The following DTNBP1 variants were observed in gnomAD, a reference collection of about 807,000 sequenced individuals.
The protein encoded by DTNBP1 is dystrobrevin binding protein 1, also known as dysbindin.
Under a neutral mutation model 42.8 loss-of-function variants are expected in DTNBP1, and 35 were observed. The ratio of observed to expected loss-of-function variants is 0.82; its 90% confidence interval spans 0.63 to 1.09. The LOEUF is 1.09. Ranked by LOEUF, DTNBP1 falls within the 50% of genes least tolerant of loss-of-function variation. The probability of loss-of-function intolerance (pLI) is 0.00; values close to 1 mark genes in which losing one functional copy is unlikely to be tolerated. For synonymous variants in DTNBP1, 171 were observed against 162.2 expected, an observed-to-expected ratio of 1.05 and a Z score of -0.41; for missense variants, 457 against 424.2, an observed-to-expected ratio of 1.08 and a Z score of -0.68.
At chr6:15,635,065 A>G (rs777170886) in intron 4 of DTNBP1, among the ~76,000 whole-genome samples, 6 of 152,182 alleles carry the variant, frequency 3.9e-5, no homozygotes, top group Non-Finnish European at 7.3e-5. Flanking sequence ...TCATTCATTT[A>G]TAAGTGATCT....
intron 7 of DTNBP1, among the ~76,000 whole-genome samples, chr6:15,564,077 A>G (rs1774960220): frequency 1.3e-5 from 2 of 151,778 alleles, no homozygotes; most frequent in African/African-American, 4.8e-5. Flanking sequence ...AAAAAAAAAA[A>G]AAAAAAGAAC....
At chr6:15,530,587 C>T (rs897175727) in intron 8 of DTNBP1, among the ~76,000 whole-genome samples, 6 of 152,062 alleles carry the variant, frequency 3.9e-5, no homozygotes, top group Admixed American at 2.6e-4. Context: ...AGTACGTGCC[C>T]GTCCCTGTCA....
chr6:15,586,745 A>T (rs1453546537), intron 7 of DTNBP1, among the ~76,000 whole-genome samples: 2 of 152,054 alleles, frequency 1.3e-5, no homozygotes, highest in African/African-American at 2.4e-5. Context: ...TACCCCCAGC[A>T]CCCCCACACA....
chr6:15,597,341 G>C (rs977045114), intron 6 of DTNBP1, among the ~76,000 whole-genome samples: 8 of 152,148 alleles, frequency 5.3e-5, no homozygotes, highest in African/African-American at 1.9e-4. Flanking sequence ...CATTTTCAAG[G>C]ACAGTATAAC....
At chr6:15,655,764 C>T (rs1259925508) in intron 1 of DTNBP1, among the ~76,000 whole-genome samples, 2 of 151,734 alleles carry the variant, frequency 1.3e-5, no homozygotes, top group African/African-American at 4.8e-5. Context: ...TATAAAAGAT[C>T]AGATATACTT....
chr6:15,595,196 G>T (rs1026876990), intron 6 of DTNBP1: 1 of 451,728 alleles, frequency 2.2e-6, no homozygotes, highest in Non-Finnish European at 4.4e-6. Context: ...ATGACTGCTT[G>T]AAGTAGTGGT....
intron 7 of DTNBP1, among the ~76,000 whole-genome samples, chr6:15,588,523 C>A (rs1026702025): frequency 6.6e-6 from 1 of 152,076 alleles, no homozygotes; most frequent in African/African-American, 2.4e-5. Flanking sequence ...CATAAAAAAA[C>A]AAAAATTCCA....
intron 7 of DTNBP1, among the ~76,000 whole-genome samples, chr6:15,551,467 A>G (rs1389255400): frequency 6.6e-6 from 1 of 152,214 alleles, no homozygotes; most frequent in Non-Finnish European, 1.5e-5. Context: ...AAGGACACAC[A>G]GCCAACACCT....
At chr6:15,613,528 G>A (rs528637922) in intron 6 of DTNBP1, among the ~76,000 whole-genome samples, 6 of 151,384 alleles carry the variant, frequency 4.0e-5, no homozygotes, top group East Asian at 2.0e-4. Context: ...CACCACACCC[G>A]GCTAATTTTT....
chr6:15,599,096 A>G (rs992788437), intron 6 of DTNBP1, among the ~76,000 whole-genome samples: 3 of 152,320 alleles, frequency 2.0e-5, no homozygotes, highest in South Asian at 4.1e-4. Context: ...TAAGTTATAC[A>G]TGGATTACAT....
intron 4 of DTNBP1, among the ~76,000 whole-genome samples, 189 bp from the exon 5 acceptor site, chr6:15,627,664 A>G (rs1759430479): frequency 6.7e-6 from 1 of 148,892 alleles, no homozygotes; most frequent in African/African-American, 2.5e-5. Flanking sequence ...AGTGCAGGAA[A>G]CCTCCAATTA....
intron 3 of DTNBP1, among the ~76,000 whole-genome samples, chr6:15,642,134 T>C (rs1240069545): frequency 6.6e-6 from 1 of 152,070 alleles, no homozygotes; most frequent in African/African-American, 2.4e-5. Flanking sequence ...TCCCCTTCCC[T>C]ACACAGAGCA....
intron 4 of DTNBP1, among the ~76,000 whole-genome samples, chr6:15,629,576 CAG>C (rs1212674311): frequency 6.6e-6 from 1 of 152,058 alleles, no homozygotes; most frequent in East Asian, 1.9e-4. Context: ...GAAGGGTAAA[CAG>C]ATTCTCAGAA....
intron 1 of DTNBP1, among the ~76,000 whole-genome samples, chr6:15,659,765 G>A (rs1761495529): frequency 2.0e-5 from 3 of 152,088 alleles, no homozygotes; most frequent in Admixed American, 1.3e-4. Flanking sequence ...CGTTGGCCAA[G>A]CTGGTCTTGA....
intron 7 of DTNBP1, among the ~76,000 whole-genome samples, chr6:15,591,900 A>G (rs1776314151): frequency 1.3e-5 from 2 of 152,252 alleles, no homozygotes; most frequent in Admixed American, 6.5e-5. Context: ...ATTTTAAACC[A>G]CTGATTGAAA....
At chr6:15,632,770 A>G (rs1287521519) in intron 4 of DTNBP1, among the ~76,000 whole-genome samples, 1 of 152,218 alleles carries the variant, frequency 6.6e-6, no homozygotes, top group African/African-American at 2.4e-5. Context: ...ATTGCATGTA[A>G]AAGATTTTCT....
At chr6:15,532,674 G>C (rs1436334306) in intron 8 of DTNBP1, among the ~76,000 whole-genome samples, 1 of 145,010 alleles carries the variant, frequency 6.9e-6, no homozygotes, top group African/African-American at 2.6e-5. Flanking sequence ...AGGTTCTCTA[G>C]AAGCATAATT....
At chr6:15,554,750 T>TAA (rs113312759) in intron 7 of DTNBP1, among the ~76,000 whole-genome samples, 146 of 152,192 alleles carry the variant, frequency 9.6e-4, no homozygotes, top group African/African-American at 3.3e-3. Flanking sequence ...GGGACTGATG[T>TAA]ACAAAAAAAT....
chr6:15,596,448 T>C (rs1776519169), intron 6 of DTNBP1, among the ~76,000 whole-genome samples: 1 of 152,178 alleles, frequency 6.6e-6, no homozygotes, highest in South Asian at 2.1e-4. Flanking sequence ...CCAACAATCA[T>C]CATGTTGCCA....
Sources: gnomAD v4.1 joint callset for allele counts (sites outside exome capture counted in the v4.1 genomes callset) on GRCh38, gnomAD v4.1.1 for gene constraint, MANE v1.5 for transcripts, NCBI Gene and HGNC (gene_info 2026-07-23, HGNC 2026-07-21) for gene names.